Variants in RGS6 observed in about 807,000 individuals in gnomAD.
The protein encoded by RGS6 is regulator of G-protein signaling 6.
RGS6 carries 30 observed loss-of-function variants against 78.5 expected under a neutral mutation model. The observed-to-expected ratio is 0.38, with a 90% CI of 0.29 to 0.52. The LOEUF is 0.52. Among genes scored for constraint, RGS6 ranks in the 20% least tolerant of loss-of-function variants. The pLI is 0.85. For synonymous variants in RGS6, 206 were observed against 206.0 expected (o/e 1.00, Z 0.00); for missense variants, 495 against 609.7 (o/e 0.81, Z 1.98).
chr14:72,122,396 AG>A (rs1480241521), intron 2 of RGS6, among the ~76,000 whole-genome samples: 1 of 152,158 alleles, frequency 6.6e-6, no homozygotes, highest in Non-Finnish European at 1.5e-5. Context: ...ACTGCTTAGA[AG>A]GGGTTTGTGG....
At chr14:72,477,438 C>A (rs2096266032) in intron 11 of RGS6, among the ~76,000 whole-genome samples, 1 of 151,822 alleles carries the variant, frequency 6.6e-6, no homozygotes, top group Non-Finnish European at 1.5e-5. Flanking sequence ...CTTTGAGGTG[C>A]TTGCCCTTGA....
At chr14:72,466,222 T>C (rs79339680) in intron 7 of RGS6, among the ~76,000 whole-genome samples, 5,703 of 152,244 alleles carry the variant, frequency 0.037, 345 homozygotes, top group African/African-American at 0.13. Flanking sequence ...AAATAAAAAA[T>C]ACTGATGATA....
intron 2 of RGS6, among the ~76,000 whole-genome samples, chr14:72,231,298 C>G (rs934490250): frequency 6.6e-6 from 1 of 151,050 alleles, no homozygotes; most frequent in South Asian, 2.1e-4. Context: ...ATCATTGTTA[C>G]GATTTCATTT....
At chr14:72,629,833 C>G in the RGS6 span, 16 of 1,034,016 alleles carry the variant, frequency 1.5e-5, no homozygotes, top group African/African-American at 2.2e-4. Flanking sequence ...AGTGTGCAGG[C>G]AGGGCAGGGT....
intron 2 of RGS6, among the ~76,000 whole-genome samples, chr14:72,213,516 T>C (rs2044703635): frequency 6.6e-6 from 1 of 152,212 alleles, no homozygotes; most frequent in Non-Finnish European, 1.5e-5. Context: ...TTGACCGCTG[T>C]AGTGAAGCTT....
intron 2 of RGS6, among the ~76,000 whole-genome samples, chr14:72,318,241 C>T (rs1016465960): frequency 6.6e-6 from 1 of 152,182 alleles, no homozygotes; most frequent in Non-Finnish European, 1.5e-5. Context: ...AAGCATCCAG[C>T]ACAGTAGAAA....
intron 2 of RGS6, among the ~76,000 whole-genome samples, chr14:72,028,767 T>G (rs1218320918): frequency 6.6e-6 from 1 of 152,226 alleles, no homozygotes; most frequent in African/African-American, 2.4e-5. Context: ...AGTGAAATTT[T>G]TAGAAGCTGT....
At chr14:72,619,825 T>C in the RGS6 span, 1 of 1,337,578 alleles carries the variant, frequency 7.5e-7, no homozygotes. Flanking sequence ...ATAAGGCCTG[T>C]ACCATAGTGA....
At position 72,286,381 on chromosome 14, in the gene RGS6, C is replaced by T. The variant is rs371529035; in HGVS notation, c.85-65714C>T. ...CCATTGATCTATATGTCTGTCTTTA[C>T]GCCAGTAACATACTATTTTGATTAC... On this transcript the variant is annotated intron_variant, in intron 2 of 17. Coordinates refer to ENST00000553525, the MANE Select transcript of RGS6 (RefSeq NM_001204424.2). Among the ~76,000 whole-genome samples, 212 of 152,218 alleles carry T rather than the reference C, an allele frequency of 1.4e-3. 6 individuals carry two copies. In the South Asian group the frequency reaches 0.04, roughly 29 times the overall value.
At chr14:72,316,129 A>C (rs1377263708) in intron 2 of RGS6, among the ~76,000 whole-genome samples, 1 of 152,232 alleles carries the variant, frequency 6.6e-6, no homozygotes, top group Non-Finnish European at 1.5e-5. Context: ...CAAGACATGC[A>C]GCAACCACCC....
At chr14:72,192,029 G>T (rs1360398158) in intron 2 of RGS6, among the ~76,000 whole-genome samples, 11 of 152,146 alleles carry the variant, frequency 7.2e-5, no homozygotes, top group African/African-American at 2.7e-4. Flanking sequence ...ATGCACGTGG[G>T]TCATTTTGTT....
intron 2 of RGS6, among the ~76,000 whole-genome samples, chr14:72,168,728 C>T (rs2096965555): frequency 6.6e-6 from 1 of 152,176 alleles, no homozygotes; most frequent in Non-Finnish European, 1.5e-5. Context: ...TGGAACAGCG[C>T]TGCTCTAGAA....
At chr14:72,376,449 C>G (rs895153407) in intron 3 of RGS6, among the ~76,000 whole-genome samples, 1 of 152,110 alleles carries the variant, frequency 6.6e-6, no homozygotes, top group Non-Finnish European at 1.5e-5. Context: ...TGAAATAATA[C>G]GTGAAAACTT....
intron 3 of RGS6, among the ~76,000 whole-genome samples, chr14:72,367,648 T>C (rs2082687634): frequency 6.6e-6 from 1 of 152,160 alleles, no homozygotes; most frequent in African/African-American, 2.4e-5. Flanking sequence ...ACTTAACACA[T>C]TTTTTTATGA....
rs534880865 is a variant in RGS6, at chr14:72,469,125, C to T, written c.460-882C>T. 3.3e-5 allele frequency among the ~76,000 whole-genome samples: 5 copies of T among 152,010 alleles called. No homozygotes were observed. In the East Asian group the frequency reaches 5.8e-4, roughly 18 times the overall value. ...AGAAAATACTTTTCTTTTTCTCTAA[C>T]GGCAGCCCTCAATGACTTTTCTTTC... On this transcript the variant is annotated intron_variant, in intron 7 of 17. Transcript: ENST00000553525.
chr14:71,994,233 T>A (rs1468599980), intron 2 of RGS6, among the ~76,000 whole-genome samples: 2 of 152,046 alleles, frequency 1.3e-5, no homozygotes, highest in Non-Finnish European at 2.9e-5. Context: ...GCTGTTAGAA[T>A]TCTGGGCCTC....
chr14:72,489,723 G>GGC (rs1324610023), intron 12 of RGS6, among the ~76,000 whole-genome samples: 75 of 151,314 alleles, frequency 5.0e-4, no homozygotes, highest in African/African-American at 1.6e-3. Flanking sequence ...GGAAAGGAAA[G>GGC]GAGAGGCAAG....
chr14:72,601,937 C>CA, the RGS6 span, among the ~76,000 whole-genome samples: 2 of 152,364 alleles, frequency 1.3e-5, no homozygotes, highest in African/African-American at 4.8e-5. Context: ...ACTCTCATAG[C>CA]ACAGTGTCTG....
At chr14:71,948,304 G>C (rs1202199881) in intron 1 of RGS6, among the ~76,000 whole-genome samples, 3 of 152,140 alleles carry the variant, frequency 2.0e-5, no homozygotes, top group Non-Finnish European at 4.4e-5. Context: ...ACGATGGTTC[G>C]ATCTGTGTGT....
Sources: gnomAD v4.1 joint callset for allele counts (sites outside exome capture counted in the v4.1 genomes callset) on GRCh38, gnomAD v4.1.1 for gene constraint, MANE v1.5 for transcripts, NCBI Gene and HGNC (gene_info 2026-07-23, HGNC 2026-07-21) for gene names.